Variants in GALNTL6 observed in about 807,000 individuals in gnomAD.
GALNTL6 encodes the protein polypeptide N-acetylgalactosaminyltransferase like 6, also known as polypeptide N-acetylgalactosaminyltransferase-like 6.
A neutral mutation model predicts 73.7 loss-of-function variants in GALNTL6; 46 were observed. The ratio of observed to expected loss-of-function variants is 0.62; its 90% CI spans 0.49 to 0.80. The LOEUF is 0.80. GALNTL6 is among the 30% of genes least tolerant of loss of function. The pLI, the probability that GALNTL6 is intolerant of heterozygous loss-of-function variation, is 0.00. For missense variants in GALNTL6, 604 were observed against 755.0 expected (o/e 0.80, Z 2.34); for synonymous variants, 259 against 263.7 (o/e 0.98, Z 0.17).
At chr4:172,071,864 A>G (rs1731542057) in intron 2 of GALNTL6, among the ~76,000 whole-genome samples, 1 of 152,218 alleles carries the variant, frequency 6.6e-6, no homozygotes, top group African/African-American at 2.4e-5. Context: ...AACTAGAAGT[A>G]GGGTATGCTA....
intron 7 of GALNTL6, among the ~76,000 whole-genome samples, chr4:172,862,739 G>A (rs1744460684): frequency 6.6e-6 from 1 of 152,012 alleles, no homozygotes. Flanking sequence ...CATTTTCTGG[G>A]GAGAAATTCA....
At chr4:172,607,949 T>C (rs904900087) in intron 5 of GALNTL6, among the ~76,000 whole-genome samples, 2 of 152,170 alleles carry the variant, frequency 1.3e-5, no homozygotes, top group African/African-American at 4.8e-5. Context: ...TGTCATTTGT[T>C]CTTTGCATGT....
intron 5 of GALNTL6, among the ~76,000 whole-genome samples, chr4:172,360,752 C>T (rs553730151): frequency 6.6e-6 from 1 of 152,292 alleles, no homozygotes; most frequent in East Asian, 1.9e-4. Context: ...TGTGATTGTA[C>T]TGCTCTTGTT....
chr4:172,458,551 C>T (rs768945001), intron 5 of GALNTL6, among the ~76,000 whole-genome samples: 12 of 152,124 alleles, frequency 7.9e-5, no homozygotes, highest in South Asian at 2.1e-4. Context: ...CACCACTGAT[C>T]CCACAGAAAT....
chr4:172,273,538 AT>A (rs2111063165), intron 3 of GALNTL6, among the ~76,000 whole-genome samples: 1 of 152,324 alleles, frequency 6.6e-6, no homozygotes, highest in South Asian at 2.1e-4. Flanking sequence ...ACTGGTGCAC[AT>A]AATACAATGG....
intron 2 of GALNTL6, among the ~76,000 whole-genome samples, chr4:172,028,171 T>C (rs1433217003): frequency 1.3e-5 from 2 of 152,020 alleles, no homozygotes; most frequent in African/African-American, 4.8e-5. Context: ...TTACTACTGA[T>C]ATATTATATA....
At chr4:172,028,990 T>C (rs1159458049) in intron 2 of GALNTL6, among the ~76,000 whole-genome samples, 1 of 152,074 alleles carries the variant, frequency 6.6e-6, no homozygotes, top group African/African-American at 2.4e-5. Flanking sequence ...CTTTTTCTAA[T>C]ATTTGAACAT....
intron 5 of GALNTL6, among the ~76,000 whole-genome samples, chr4:172,801,687 G>A: frequency 6.6e-6 from 1 of 152,280 alleles, no homozygotes; most frequent in Admixed American, 6.5e-5. Context: ...TCTAGATGAA[G>A]ACTTGGTGTT....
At chr4:171,981,161 T>G (rs1446596852) in intron 2 of GALNTL6, among the ~76,000 whole-genome samples, 1 of 152,172 alleles carries the variant, frequency 6.6e-6, no homozygotes, top group East Asian at 1.9e-4. Flanking sequence ...TAGGAAGACA[T>G]GAAACAATAA....
At chr4:171,963,307 A>G (rs1739286070) in intron 2 of GALNTL6, among the ~76,000 whole-genome samples, 1 of 152,032 alleles carries the variant, frequency 6.6e-6, no homozygotes, top group South Asian at 2.1e-4. Flanking sequence ...TGATCTGTAT[A>G]TTTTTCAATG....
chr4:172,313,600 GA>G (rs376434609), intron 4 of GALNTL6, among the ~76,000 whole-genome samples: 1 of 151,696 alleles, frequency 6.6e-6, no homozygotes, highest in Non-Finnish European at 1.5e-5. Flanking sequence ...GTAATAATGG[GA>G]AAAAAATGGA....
chr4:172,163,105 C>G (rs1734523207), intron 2 of GALNTL6, among the ~76,000 whole-genome samples: 1 of 151,990 alleles, frequency 6.6e-6, no homozygotes, highest in Admixed American at 6.6e-5. Context: ...TCTGCACAGT[C>G]TGACTTTACT....
At chr4:171,925,788 A>C (rs1311229307) in intron 2 of GALNTL6, among the ~76,000 whole-genome samples, 2 of 152,170 alleles carry the variant, frequency 1.3e-5, no homozygotes, top group Non-Finnish European at 2.9e-5. Context: ...ATAATAAGTA[A>C]CTAGGGGAAA....
intron 2 of GALNTL6, among the ~76,000 whole-genome samples, chr4:171,907,634 G>A (rs1560835977): frequency 6.6e-6 from 1 of 151,800 alleles, no homozygotes; most frequent in Non-Finnish European, 1.5e-5. Flanking sequence ...CATAGAATTG[G>A]AAAAAACTAC....
At chr4:172,065,533 C>T (rs542770141) in intron 2 of GALNTL6, among the ~76,000 whole-genome samples, 4 of 152,004 alleles carry the variant, frequency 2.6e-5, no homozygotes, top group East Asian at 1.9e-4. Context: ...GTCTTTGTAA[C>T]CTTTGACCTC....
intron 3 of GALNTL6, among the ~76,000 whole-genome samples, chr4:172,288,047 T>C (rs1739323665): frequency 6.6e-6 from 1 of 152,068 alleles, no homozygotes; most frequent in Non-Finnish European, 1.5e-5. Context: ...CCTGAATTAT[T>C]CTGCTGTTTC....
intron 2 of GALNTL6, among the ~76,000 whole-genome samples, chr4:172,208,969 C>G (rs1736234414): frequency 6.6e-6 from 1 of 152,210 alleles, no homozygotes; most frequent in African/African-American, 2.4e-5. Flanking sequence ...AATAATTGCA[C>G]AAAATACATG....
rs188203842 is a variant in GALNTL6, at chr4:172,388,429, C to T, written c.553+39740C>T. ...TTCTTTTAGTGTAAGATAAAGTTTA[C>T]ATATATGCCACAGAAAGTATTTTTG... On this transcript the variant is annotated intron_variant, in intron 5 of 12. Coordinates refer to ENST00000506823, the MANE Select transcript of GALNTL6 (RefSeq NM_001034845.3). 1.3e-3 allele frequency among the ~76,000 whole-genome samples: 192 copies of T among 152,142 alleles called. 3 individuals are homozygous for T. Among genetic ancestry groups the T allele is most frequent in the Middle Eastern group, 3.4e-3 (1 of 294 alleles).
intron 2 of GALNTL6, among the ~76,000 whole-genome samples, chr4:171,986,362 C>G (rs768772168): frequency 6.6e-6 from 1 of 152,062 alleles, no homozygotes; most frequent in Non-Finnish European, 1.5e-5. Context: ...GAGAAGGAAT[C>G]TCACAAGACA....
Sources: gnomAD v4.1 joint callset for allele counts (sites outside exome capture counted in the v4.1 genomes callset) on GRCh38, gnomAD v4.1.1 for gene constraint, MANE v1.5 for transcripts, NCBI Gene and HGNC (gene_info 2026-07-23, HGNC 2026-07-21) for gene names.